The following CSMD2 variants were observed in gnomAD, a reference collection of about 807,000 sequenced individuals.
CSMD2 encodes CUB and sushi domain-containing protein 2.
In CSMD2, 130 loss-of-function variants were observed where a neutral mutation model predicts 398.5. The ratio of observed to expected loss-of-function variants is 0.33; its 90% CI spans 0.28 to 0.38. The LOEUF is 0.38. Among genes scored for constraint, CSMD2 ranks in the 10% least tolerant of loss-of-function variants. CSMD2 has a pLI of 1.00. For missense variants in CSMD2, 3,829 were observed against 4,764.9 expected, an observed-to-expected ratio of 0.80 and a Z score of 5.78; for synonymous variants, 1,828 against 1,908.5, an observed-to-expected ratio of 0.96 and a Z score of 1.10.
At chr1:33,835,707 T>C (rs1195064597) in intron 6 of CSMD2, among the ~76,000 whole-genome samples, 3 of 84,708 alleles carry the variant, frequency 3.5e-5, no homozygotes, top group Non-Finnish European at 6.0e-5. Flanking sequence ...CAAACAAAAA[T>C]ACATTTCAAA....
Position 33,559,180 on chromosome 1 carries a change from A to G in CSMD2, c.8554+120T>C, listed in dbSNP as rs1040473348. The stretch of plus-strand genomic sequence containing the variant: ...CTCATTTATGACCCTTCTCTGCTCC[A>G]TCTTCCCTATCTGGATCAGAATGAT... On this transcript the variant is annotated intron_variant, in intron 54 of 70. Coordinates refer to ENST00000373381, the MANE Select transcript of CSMD2 (RefSeq NM_001281956.2). This position sits in a 1 kb window ranked among gnomAD's most constrained non-coding sequence, Gnocchi z 4.0. 3 of 904,480 alleles carry G rather than the reference A, an allele frequency of 3.3e-6. No homozygotes were observed. The highest frequency in any genetic ancestry group is 1.9e-5 in the South Asian group (1 of 53,198). 56.0% of individuals were successfully genotyped at this position (904,480 alleles called of 1,614,324 possible).
intron 28 of CSMD2, 82 bp from the exon 29 acceptor site, chr1:33,646,917 T>C (rs970796075): frequency 8.0e-6 from 11 of 1,376,550 alleles, no homozygotes; most frequent in Non-Finnish European, 8.8e-6. Flanking sequence ...AACCAAAGCA[T>C]AGGGCCTCCC....
At chr1:33,870,627 G>T (rs1350522657) in intron 5 of CSMD2, 1 of 152,132 alleles carries the variant, frequency 6.6e-6, no homozygotes. Flanking sequence ...TCACCTATGG[G>T]AGTCTGACAT....
At chr1:34,094,107 CA>C (rs1571095904) in intron 1 of CSMD2, among the ~76,000 whole-genome samples, 1 of 152,270 alleles carries the variant, frequency 6.6e-6, no homozygotes, top group East Asian at 1.9e-4. Flanking sequence ...CAATATTCAA[CA>C]TTCTTAAAGG....
intron 9 of CSMD2, among the ~76,000 whole-genome samples, chr1:33,811,376 C>T (rs1019307956): frequency 6.6e-6 from 1 of 152,186 alleles, no homozygotes; most frequent in African/African-American, 2.4e-5. Context: ...GCCTGCCCCT[C>T]AGTTCCTTCC....
chr1:34,153,232 G>C (rs1640495742), intron 1 of CSMD2, among the ~76,000 whole-genome samples: 1 of 152,156 alleles, frequency 6.6e-6, no homozygotes, highest in East Asian at 1.9e-4. Flanking sequence ...GGCCAGGCTG[G>C]TCTTGAACTC....
intron 1 of CSMD2, among the ~76,000 whole-genome samples, chr1:34,146,117 G>C (rs1639741721): frequency 1.3e-5 from 2 of 152,132 alleles, no homozygotes; most frequent in South Asian, 2.1e-4. Context: ...GCGATGGCAT[G>C]ATCACTCCTG....
At chr1:33,993,028 T>A (rs939034843) in intron 3 of CSMD2, among the ~76,000 whole-genome samples, 4 of 152,202 alleles carry the variant, frequency 2.6e-5, no homozygotes, top group African/African-American at 9.7e-5. Context: ...GTCCCACTTA[T>A]GTAAAAAAGT....
At chr1:33,769,752 C>T (rs1470431292) in intron 13 of CSMD2, among the ~76,000 whole-genome samples, 1 of 152,184 alleles carries the variant, frequency 6.6e-6, no homozygotes, top group Non-Finnish European at 1.5e-5. Flanking sequence ...CTTCAGACAA[C>T]TTCTCAAATA....
intron 26 of CSMD2, among the ~76,000 whole-genome samples, 169 bp from the exon 27 acceptor site, chr1:33,658,306 C>T (rs777456244): frequency 1.3e-5 from 2 of 151,058 alleles, no homozygotes; most frequent in Non-Finnish European, 2.9e-5. Context: ...TTCTCACTCC[C>T]ATTACTATCA....
chr1:33,560,864 G>C (rs959643665), intron 53 of CSMD2, among the ~76,000 whole-genome samples: 2 of 152,224 alleles, frequency 1.3e-5, no homozygotes, highest in Non-Finnish European at 2.9e-5. Flanking sequence ...ATAAATATTT[G>C]CTGAGTGAAT....
At chr1:33,664,316 T>G (rs1268225361) in intron 25 of CSMD2, among the ~76,000 whole-genome samples, 2 of 152,212 alleles carry the variant, frequency 1.3e-5, no homozygotes, top group Non-Finnish European at 2.9e-5. Context: ...TTCTATAACT[T>G]TCTTTCTTCA....
chr1:33,864,811 T>C (rs923453048), intron 5 of CSMD2: 26 of 1,425,282 alleles, frequency 1.8e-5, no homozygotes, highest in Middle Eastern at 1.8e-4. Context: ...CCTGGTCTCA[T>C]GTGTGGCATT....
Position 34,164,184 on chromosome 1 carries a change from C to T in CSMD2, c.187+727G>A, listed in dbSNP as rs951522664. ...CAGCGCGAAGCCTGGCGGCGGCACT[C>T]CCTCCCCCGCCTCGGGCTACAACCC... On this transcript the variant is annotated intron_variant, in intron 1 of 70. Transcript: ENST00000373381. The surrounding 1 kb of genome is among the most constrained non-coding windows in gnomAD (Gnocchi z 6.2). 4.6e-5 allele frequency among the ~76,000 whole-genome samples: 7 copies of T among 151,980 alleles called. No homozygotes were observed. Among genetic ancestry groups the T allele is most frequent in the Non-Finnish European group, 1.0e-4 (7 of 67,976 alleles).
At chr1:33,730,705 T>C (rs984766029) in intron 15 of CSMD2, among the ~76,000 whole-genome samples, 15 of 152,100 alleles carry the variant, frequency 9.9e-5, no homozygotes, top group Non-Finnish European at 1.6e-4. Flanking sequence ...CTTAGGCATG[T>C]CCTATGAATT....
At chr1:33,955,161 A>G (rs1344308479) in intron 3 of CSMD2, among the ~76,000 whole-genome samples, 1 of 152,150 alleles carries the variant, frequency 6.6e-6, no homozygotes, top group African/African-American at 2.4e-5. Flanking sequence ...CTCATTTCCA[A>G]TTCCAGAATT....
At chr1:33,579,942 G>A (rs1028073328) in intron 48 of CSMD2, among the ~76,000 whole-genome samples, 3 of 152,162 alleles carry the variant, frequency 2.0e-5, no homozygotes, top group African/African-American at 7.2e-5. Context: ...GCATCCCAAA[G>A]TGCTGAGATT....
chr1:34,147,880 G>A (rs1224672116), intron 1 of CSMD2, among the ~76,000 whole-genome samples: 1 of 152,186 alleles, frequency 6.6e-6, no homozygotes, highest in Non-Finnish European at 1.5e-5. Flanking sequence ...ACTTTTCTAT[G>A]AAGTAGGACA....
chr1:34,099,356 T>G (rs1457561033), intron 1 of CSMD2, among the ~76,000 whole-genome samples: 1 of 152,190 alleles, frequency 6.6e-6, no homozygotes, highest in Non-Finnish European at 1.5e-5. Flanking sequence ...GACAATACCA[T>G]GCTAGAGGGG....
Sources: allele counts gnomAD v4.1 joint callset (sites outside exome capture counted in the v4.1 genomes callset), GRCh38; gene constraint gnomAD v4.1.1; non-coding constraint Gnocchi (gnomAD v3.1); transcripts MANE v1.5; gene names NCBI Gene and HGNC (gene_info 2026-07-23, HGNC 2026-07-21).